Variants in HEATR9 observed in about 807,000 individuals in gnomAD.
HEATR9 encodes protein HEATR9.
In HEATR9, 54 loss-of-function variants were observed where a neutral mutation model predicts 68.2. That is an observed-to-expected ratio of 0.79 (90% confidence interval 0.64 to 0.99). HEATR9 has a LOEUF of 0.99. Among genes scored for constraint, HEATR9 ranks in the 50% least tolerant of loss-of-function variants. The pLI is 0.00. For missense variants in HEATR9, 662 were observed against 679.7 expected, an observed-to-expected ratio of 0.97 and a Z score of 0.29; for synonymous variants, 241 against 253.5, an observed-to-expected ratio of 0.95 and a Z score of 0.47.
chr17:35,865,385 T>C lies in HEATR9; in HGVS notation c.150A>G (p.Glu50=). ...LPLSCYQMPK[E]EFPPSPECWR... is the part of the protein sequence containing the mutation. ...AGCACTCTGGACTTGGGGGAAACTC[T>C]TCCTTTGGCATCTGGGGGTTGCAAG... The change falls in exon 3 of 15, where the codon GAA becomes GAG. Residue 50 remains glutamate (E), a synonymous_variant. Transcript: ENST00000604834. 1.2e-6 allele frequency: 2 copies of C among 1,613,182 alleles called. No homozygotes were observed. Among genetic ancestry groups the C allele is most frequent in the Non-Finnish European group, 1.7e-6 (2 of 1,179,876 alleles).
chr17:35,868,642 A>G lies in HEATR9; in HGVS notation c.88+13T>C. 1 of 1,614,078 alleles carries G rather than the reference A, an allele frequency of 6.2e-7. No individual in the cohort carries two copies. Among genetic ancestry groups the G allele is most frequent in the Non-Finnish European group, 8.5e-7 (1 of 1,179,998 alleles). ...CCTGCTCTTGGCTCCATTTCTGTCCATCCCAGCCTCACCTTTGGTCTTGTC... is the reference window on the plus strand; with the variant it reads ...CCTGCTCTTGGCTCCATTTCTGTCCGTCCCAGCCTCACCTTTGGTCTTGTC... On this transcript the variant is annotated intron_variant, in intron 1 of 14. Coordinates refer to ENST00000604834, the MANE Select transcript of HEATR9 (RefSeq NM_152781.4).
chr17:35,856,080 C>T (rs1307699279), intron 13 of HEATR9, 93 bp downstream of exon 13: 2 of 1,352,660 alleles, frequency 1.5e-6, no homozygotes, highest in Non-Finnish European at 2.1e-6. Context: ...CCGAAGTTTA[C>T]AGGCCTTTAT....
chr17:35,863,888 T>A lies in HEATR9; in HGVS notation c.568-329A>T. ...TGTTGTTGTAAGAGTTAAATGAGATTATGGATATAAAGAATGCATGTTCCC... is the reference window on the plus strand; with the variant it reads ...TGTTGTTGTAAGAGTTAAATGAGATAATGGATATAAAGAATGCATGTTCCC... On this transcript the variant is annotated intron_variant, in intron 6 of 14. Coordinates refer to ENST00000604834, the MANE Select transcript of HEATR9 (RefSeq NM_152781.4). 9 of 540,730 alleles carry A rather than the reference T, an allele frequency of 1.7e-5. No individual in the cohort carries two copies. The South Asian group carries it at 2.2e-4, about 13-fold the overall frequency. 33.5% of individuals were successfully genotyped at this position (540,730 alleles called of 1,614,324 possible).
At chr17:35,856,462 A>C (rs1010228812) in intron 12 of HEATR9, 25 of 1,194,884 alleles carry the variant, frequency 2.1e-5, no homozygotes, top group Non-Finnish European at 3.0e-5. Flanking sequence ...TTTTTAAAAA[A>C]AGTTCTTTTC....
At position 35,858,332 on chromosome 17, in the gene HEATR9, G is replaced by A; in HGVS notation, c.1033-13C>T. The A allele has an allele frequency of 6.2e-7, 1 of 1,614,172 alleles. No individual in the cohort carries two copies. The highest frequency in any genetic ancestry group is 1.1e-5 in the South Asian group (1 of 91,076). On this transcript the variant is annotated splice_polypyrimidine_tract_variant and intron_variant, in intron 10 of 14. Coordinates refer to ENST00000604834, the MANE Select transcript of HEATR9 (RefSeq NM_152781.4). ...CTTCAAAGCGGTCCTGAGGTCGGGG[G>A]TGAGGGTTAGTGGGGAGGTGTGAAA... is the stretch of plus-strand genomic sequence containing the variant.
chr17:35,867,455 A>G (rs1347254782), intron 1 of HEATR9, among the ~76,000 whole-genome samples: 6 of 149,586 alleles, frequency 4.0e-5, no homozygotes, highest in Admixed American at 2.7e-4. Flanking sequence ...AAAAAAAAAA[A>G]AGAGATAGCA....
intron 8 of HEATR9, among the ~76,000 whole-genome samples, chr17:35,859,729 C>T (rs1322682344): frequency 6.6e-6 from 1 of 152,212 alleles, no homozygotes; most frequent in Non-Finnish European, 1.5e-5. Context: ...ACTATTGCAG[C>T]GAATGATCTT....
chr17:35,859,376 C>G (rs1261620418), intron 8 of HEATR9, among the ~76,000 whole-genome samples: 1 of 152,164 alleles, frequency 6.6e-6, no homozygotes, highest in East Asian at 1.9e-4. Context: ...TCTTCTCTGC[C>G]TCAGCCACTA....
intron 12 of HEATR9, 85 bp downstream of exon 12, chr17:35,856,647 A>C (rs2087782346): frequency 9.1e-6 from 11 of 1,211,710 alleles, no homozygotes; most frequent in Non-Finnish European, 1.3e-5. Context: ...TGACCCTCTG[A>C]CCCCTTCCCA....
chr17:35,860,214 C>A (rs549279608), intron 8 of HEATR9, among the ~76,000 whole-genome samples: 58 of 149,944 alleles, frequency 3.9e-4, no homozygotes, highest in African/African-American at 1.3e-3. Context: ...GAAACCCCAT[C>A]TCTACTAAAA....
chr17:35,865,115 G>T (rs1392981321), intron 3 of HEATR9, 100 bp downstream of exon 3: 3 of 1,415,136 alleles, frequency 2.1e-6, no homozygotes, highest in East Asian at 4.6e-5. Flanking sequence ...GGACCTGTAG[G>T]CTGACTTGCC....
intron 13 of HEATR9, 130 bp from the exon 14 acceptor site, chr17:35,855,880 T>C: frequency 1.3e-6 from 1 of 789,554 alleles, no homozygotes; most frequent in Admixed American, 2.2e-5. Flanking sequence ...CCAGCTGAGA[T>C]ACTCCTTTCC....
chr17:35,858,318 T>C lies in HEATR9; in HGVS notation c.1034A>G (p.Asp345Gly). 2 of 1,614,110 alleles carry C rather than the reference T, an allele frequency of 1.2e-6. No individual in the cohort carries two copies. The highest frequency in any genetic ancestry group is 1.1e-5 in the South Asian group (1 of 91,072). Residue 345 changes from aspartate (D) to glycine (G), a missense_variant and splice_region_variant, in exon 11 of 15, where the codon GAC becomes GGC. By Grantham distance (94) the Asp-to-Gly change is moderately conservative (BLOSUM62 -1). Coordinates refer to ENST00000604834, the MANE Select transcript of HEATR9 (RefSeq NM_152781.4). Reference protein sequence around the residue: ...DQLCSSSVLEDRFEATQMLKT... With the variant: ...DQLCSSSVLEGRFEATQMLKT... ...GAGCATTTGGGTGGCTTCAAAGCGG[T>C]CCTGAGGTCGGGGGTGAGGGTTAGT... is the stretch of plus-strand genomic sequence containing the variant.
At chr17:35,858,088 G>A in intron 11 of HEATR9, 112 bp downstream of exon 11, 2 of 1,459,884 alleles carry the variant, frequency 1.4e-6, no homozygotes, top group South Asian at 1.2e-5. Context: ...AGTTGAACAG[G>A]AGTAGGTCAG....
At position 35,863,767 on chromosome 17, in the gene HEATR9, A is replaced by G. The variant is rs1423044875; in HGVS notation, c.568-208T>C. On this transcript the variant is annotated intron_variant, in intron 6 of 14. Coordinates refer to ENST00000604834, the MANE Select transcript of HEATR9 (RefSeq NM_152781.4). ...GAGTTAGATGTTTGTTCAAATCTCT[A>G]TCTGGTATCTTGTAGCCACTTGGCC... 8.1e-6 allele frequency: 5 copies of G among 617,630 alleles called. No homozygotes were observed. The East Asian group carries it at 8.2e-5, about 10-fold the overall frequency. The allele number at this position is 617,630 out of a possible 1,614,324, so 38.3% of individuals were successfully genotyped here.
Position 35,864,520 on chromosome 17 carries a change from CCT to C in HEATR9, c.485_486del (p.Glu162GlyfsTer2). 1 of 1,614,122 alleles carries C rather than the reference CCT, an allele frequency of 6.2e-7. No homozygotes were observed. The highest frequency in any genetic ancestry group is 8.5e-7 in the Non-Finnish European group (1 of 1,180,000). ...ELTKSLESPR[E>X]DEQFYAAQAL... ...ACCTGTGCTGCATAGAACTGCTCAT[CCT>C]CTCTGGGAGATTCCAGGCTTTTTGT... is the stretch of plus-strand genomic sequence containing the variant. On this transcript the variant is annotated frameshift_variant, in exon 5 of 15. Transcript: ENST00000604834. LOFTEE classifies it high-confidence loss of function.
At chr17:35,855,604 G>A (rs893322724) in intron 14 of HEATR9, 60 bp downstream of exon 14, 2 of 1,502,048 alleles carry the variant, frequency 1.3e-6, no homozygotes, top group Non-Finnish European at 1.9e-6. Context: ...TGAGATAGGT[G>A]GGAGAAGCTT....
chr17:35,868,335 G>A (rs1167012356), intron 1 of HEATR9, among the ~76,000 whole-genome samples: 5 of 152,178 alleles, frequency 3.3e-5, no homozygotes, highest in African/African-American at 1.2e-4. Flanking sequence ...GTAGATAAGG[G>A]GGAAGAGCAT....
rs908141950 is a variant in HEATR9, at chr17:35,865,064, A to T, written c.320+151T>A. On this transcript the variant is annotated intron_variant, in intron 3 of 14. Transcript: ENST00000604834. ...AGCCGAGCCGAGCCGGCCGAGCCAG[A>T]TGGAGCTGAGCCAAGCCGAGCCGCC... 5 of 1,280,352 alleles carry T rather than the reference A, an allele frequency of 3.9e-6. No individual in the cohort carries two copies. The African/African-American group carries it at 4.8e-5, about 12-fold the overall frequency. The allele number at this position is 1,280,352 out of a possible 1,614,324, so 79.3% of individuals were successfully genotyped here. A position where few individuals can be genotyped will look rare whatever the true frequency, so the allele number is the denominator to read the frequency against.
Sources: gnomAD v4.1 joint callset for allele counts (sites outside exome capture counted in the v4.1 genomes callset) on GRCh38, gnomAD v4.1.1 for gene constraint, MANE v1.5 for transcripts, NCBI Gene and HGNC (gene_info 2026-07-23, HGNC 2026-07-21) for gene names.